SUMO3: variants seen among roughly 807,000 people sequenced by gnomAD.
The protein encoded by SUMO3 is small ubiquitin like modifier 3.
SUMO3 carries 2 observed loss-of-function variants against 11.1 expected under a neutral mutation model. The ratio of observed to expected loss-of-function variants is 0.18; its 90% CI spans 0.07 to 0.57. SUMO3 has a LOEUF of 0.57. SUMO3 is among the 20% of genes least tolerant of loss of function. The pLI is 0.92. For synonymous variants in SUMO3, 56 were observed against 53.5 expected, an observed-to-expected ratio of 1.05 and a Z score of -0.20; for missense variants, 70 against 132.8, an observed-to-expected ratio of 0.53 and a Z score of 2.32.
At position 44,810,194 on chromosome 21, in the gene SUMO3, G is replaced by T. The variant is rs1346539765; in HGVS notation, c.151-1076C>A. On this transcript the variant is annotated intron_variant, in intron 2 of 3. Transcript: ENST00000332859. This position sits in a 1 kb window ranked among gnomAD's most constrained non-coding sequence, Gnocchi z 4.1. ...AGACGGGGTTAAAACGTGCATCTCT[G>T]CTCCCTCCTGAAACCCCACTGAAAT... is the stretch of plus-strand genomic sequence containing the variant. 6.6e-6 allele frequency among the ~76,000 whole-genome samples: 1 copy of T among 152,172 alleles called. No homozygotes were observed. Among genetic ancestry groups the T allele is most frequent in the Non-Finnish European group, 1.5e-5 (1 of 68,030 alleles).
chr21:44,812,208 C>G (rs2083216572), intron 2 of SUMO3, among the ~76,000 whole-genome samples: 1 of 151,844 alleles, frequency 6.6e-6, no homozygotes, highest in African/African-American at 2.4e-5. Flanking sequence ...AGGCTTGCAC[C>G]ACCACACCTG....
intron 1 of SUMO3, among the ~76,000 whole-genome samples, chr21:44,816,500 C>T (rs1022657498): frequency 1.3e-5 from 2 of 152,214 alleles, no homozygotes. Context: ...AGCCTCCACC[C>T]TCATCTGTAA....
Position 44,811,145 on chromosome 21 carries a change from CACAT to C in SUMO3, c.151-2031_151-2028del, listed in dbSNP as rs1197792070. On this transcript the variant is annotated intron_variant, in intron 2 of 3. Coordinates refer to ENST00000332859, the MANE Select transcript of SUMO3 (RefSeq NM_006936.3). This position sits in a 1 kb window ranked among gnomAD's most constrained non-coding sequence, Gnocchi z 5.0. The stretch of plus-strand genomic sequence containing the variant: ...ACATATACACACAGGCACACACCCA[CACAT>C]ACACACACAGGCACACACCCACACA... 2.0e-5 allele frequency among the ~76,000 whole-genome samples: 3 copies of C among 150,160 alleles called. No individual in the cohort carries two copies. Among genetic ancestry groups the C allele is most frequent in the African/African-American group, 7.3e-5 (3 of 41,022 alleles).
At position 44,807,792 on chromosome 21, in the gene SUMO3, T is replaced by G. The variant is rs917663748; in HGVS notation, c.223-752A>C. ...GGGAGAGCCCCCAGGCAGGGCTCCC[T>G]CTGCCTCTCGGTCCACCTGTCCACA... On this transcript the variant is annotated intron_variant, in intron 3 of 3. Transcript: ENST00000332859. The surrounding 1 kb of genome is among the most constrained non-coding windows in gnomAD (Gnocchi z 4.3). Among the ~76,000 whole-genome samples the G allele has an allele frequency of 6.6e-6, 1 of 151,786 alleles. No individual in the cohort carries two copies.
intron 3 of SUMO3, chr21:44,808,584 T>C: frequency 7.3e-7 from 1 of 1,379,276 alleles, no homozygotes; most frequent in Admixed American, 3.4e-5. Context: ...ACGTGATAGA[T>C]GAAATCTCAT....
intron 1 of SUMO3, among the ~76,000 whole-genome samples, chr21:44,816,666 T>A (rs9306117): frequency 0.033 from 5,008 of 152,156 alleles, 276 homozygotes; most frequent in African/African-American, 0.11. Context: ...CACTGGAGAA[T>A]GCGACTACAG....
At chr21:44,813,715 G>A (rs567911760) in intron 2 of SUMO3, 19 of 1,141,318 alleles carry the variant, frequency 1.7e-5, no homozygotes, top group South Asian at 6.4e-5. Flanking sequence ...ACAGCACCCC[G>A]GGCAGCCGCC....
chr21:44,810,164 A>G lies in SUMO3; in HGVS notation c.151-1046T>C, dbSNP rs2083201827. Among the ~76,000 whole-genome samples the G allele has an allele frequency of 6.6e-6, 1 of 152,238 alleles. No homozygotes were observed. The highest frequency in any genetic ancestry group is 2.4e-5 in the African/African-American group (1 of 41,464). Reference sequence around the variant, plus strand: ...CGAGCAGTTTTGATTTAACTGAAACAGGACAGACGGGGTTAAAACGTGCAT... The same window carrying G: ...CGAGCAGTTTTGATTTAACTGAAACGGGACAGACGGGGTTAAAACGTGCAT... On this transcript the variant is annotated intron_variant, in intron 2 of 3. Transcript: ENST00000332859. The surrounding 1 kb of genome is among the most constrained non-coding windows in gnomAD (Gnocchi z 4.1).
chr21:44,814,164 T>A (rs9306116), intron 1 of SUMO3, 60 bp from the exon 2 acceptor site: 252,339 of 1,586,202 alleles, frequency 0.16, 32,464 homozygotes, highest in East Asian at 0.57. Context: ...GCGACTTGAA[T>A]GGGCAAGTCT....
intron 2 of SUMO3, among the ~76,000 whole-genome samples, chr21:44,809,958 A>C (rs1293197091): frequency 1.3e-5 from 2 of 152,112 alleles, no homozygotes; most frequent in Non-Finnish European, 2.9e-5. Context: ...CCCTTTACAA[A>C]GTTCTCAGCA....
intron 3 of SUMO3, 88 bp downstream of exon 3, chr21:44,808,958 CT>C: frequency 9.4e-7 from 1 of 1,064,860 alleles, no homozygotes; most frequent in Non-Finnish European, 1.5e-6. Context: ...GAGCTCCCAC[CT>C]ACAATTCTCA....
At chr21:44,815,199 T>C (rs1184041550) in intron 1 of SUMO3, among the ~76,000 whole-genome samples, 1 of 152,204 alleles carries the variant, frequency 6.6e-6, no homozygotes, top group Non-Finnish European at 1.5e-5. Context: ...GTCCCAGCGA[T>C]GCCTAAATAC....
chr21:44,811,018 G>GCACACACGCACACACCCACATA lies in SUMO3; in HGVS notation c.151-1922_151-1901dup, dbSNP rs970785413. 3.1e-5 allele frequency among the ~76,000 whole-genome samples: 2 copies of GCACACACGCACACACCCACATA among 64,832 alleles called. No individual in the cohort carries two copies. The highest frequency in any genetic ancestry group is 1.5e-4 in the Admixed American group (1 of 6,860). The allele number at this position is 64,832 out of a possible 152,430, so 42.5% of individuals were successfully genotyped here. On this transcript the variant is annotated intron_variant, in intron 2 of 3. Coordinates refer to ENST00000332859, the MANE Select transcript of SUMO3 (RefSeq NM_006936.3). The surrounding 1 kb of genome is among the most constrained non-coding windows in gnomAD (Gnocchi z 5.0). ...CCCACACATGCACACACCCACATAT[G>GCACACACGCACACACCCACATA]CACACACGCACACACCCACATACAC...
rs2083182947 is a variant in SUMO3 at position 44,807,236 on chromosome 21, C to T, written c.223-196G>A. Among the ~76,000 whole-genome samples, 1 of 152,130 alleles carries T rather than the reference C, an allele frequency of 6.6e-6. No individual in the cohort carries two copies. Among genetic ancestry groups the T allele is most frequent in the East Asian group, 1.9e-4 (1 of 5,200 alleles). On this transcript the variant is annotated intron_variant, in intron 3 of 3. Transcript: ENST00000332859. The surrounding 1 kb of genome is among the most constrained non-coding windows in gnomAD (Gnocchi z 4.3). ...GGCATTGCTGTATGCTCACTACAGC[C>T]CTTACGGTTCAACAAGCTTCCCCTA...
rs1357414158 is a variant in SUMO3, at chr21:44,818,058, A to G, written c.-90T>C. 1.9e-6 allele frequency: 2 copies of G among 1,053,988 alleles called. No homozygotes were observed. Among genetic ancestry groups the G allele is most frequent in the African/African-American group, 1.7e-5 (1 of 59,368 alleles). 65.3% of individuals were successfully genotyped at this position (1,053,988 alleles called of 1,614,324 possible). ...TCGGCCCCGCCGCTCTCCCGCCGCA[A>G]CTGTGCGCGGGGCCGCGCTTTATCC... On this transcript the variant is annotated 5_prime_UTR_variant, in exon 1 of 4. Transcript: ENST00000332859.
Position 44,806,594 on chromosome 21 carries a change from C to T in SUMO3, c.*357G>A. ...ACTGGAGTGAGCAGGGGAGAGGCAA[C>T]CAACTCAGGAGTCAGATCCCTGGCC... On this transcript the variant is annotated 3_prime_UTR_variant, in exon 4 of 4. Coordinates refer to ENST00000332859, the MANE Select transcript of SUMO3 (RefSeq NM_006936.3). 2 of 287,440 alleles carry T rather than the reference C, an allele frequency of 7.0e-6. No homozygotes were observed. Among genetic ancestry groups the T allele is most frequent in the South Asian group, 6.9e-5 (2 of 29,152 alleles). The allele number at this position is 287,440 out of a possible 1,614,324, so 17.8% of individuals were successfully genotyped here.
At chr21:44,813,560 G>A (rs2083225563) in intron 2 of SUMO3, 1 of 475,674 alleles carries the variant, frequency 2.1e-6, no homozygotes, top group Non-Finnish European at 3.8e-6. Flanking sequence ...GTCTCTCCAG[G>A]GTCAGGCCAG....
chr21:44,812,063 T>TTG (rs1363766546), intron 2 of SUMO3, among the ~76,000 whole-genome samples: 1 of 139,680 alleles, frequency 7.2e-6, no homozygotes, highest in Non-Finnish European at 1.6e-5. Context: ...CTTTTTTTTT[T>TTG]TTTTTTTTTT....
At position 44,806,859 on chromosome 21, in the gene SUMO3, G is replaced by C; in HGVS notation, c.*92C>G. 2 of 1,556,112 alleles carry C rather than the reference G, an allele frequency of 1.3e-6. No homozygotes were observed. Among genetic ancestry groups the C allele is most frequent in the Non-Finnish European group, 1.7e-6 (2 of 1,145,354 alleles). ...AAATCATCGTGGTGAATGTCCTCGA[G>C]TTTCCGCAGACACCTTTGTGGTCGG... is the stretch of plus-strand genomic sequence containing the variant. On this transcript the variant is annotated 3_prime_UTR_variant, in exon 4 of 4. Transcript: ENST00000332859.
Sources: allele counts gnomAD v4.1 joint callset (sites outside exome capture counted in the v4.1 genomes callset), GRCh38; gene constraint gnomAD v4.1.1; non-coding constraint Gnocchi (gnomAD v3.1); transcripts MANE v1.5; gene names NCBI Gene and HGNC (gene_info 2026-07-23, HGNC 2026-07-21).